IQCE: variants seen among roughly 807,000 people sequenced by gnomAD.
IQCE encodes the protein IQ domain-containing protein E.
Under a neutral mutation model 96.0 loss-of-function variants are expected in IQCE, and 115 were observed. That is an observed-to-expected ratio of 1.20 (90% CI 1.03 to 1.40). The LOEUF (loss-of-function observed/expected upper bound fraction) is 1.40, where lower values mean the gene tolerates loss of function less well. Ranked by LOEUF, IQCE falls within the 40% of genes most tolerant of loss-of-function variation. IQCE has a pLI of 0.00. For synonymous variants in IQCE, 412 were observed against 371.2 expected (o/e 1.11, Z -1.26); for missense variants, 1,041 against 909.1 (o/e 1.15, Z -1.87).
intron 18 of IQCE, among the ~76,000 whole-genome samples, chr7:2,603,478 TC>T (rs1784576246): frequency 6.8e-6 from 1 of 147,760 alleles, no homozygotes; most frequent in Non-Finnish European, 1.5e-5. Flanking sequence ...CCTGCTTCTC[TC>T]CCTGGCGCCC....
intron 16 of IQCE, chr7:2,596,753 C>T (rs911674549): frequency 1.2e-5 from 4 of 334,458 alleles, no homozygotes; most frequent in African/African-American, 2.1e-5. Flanking sequence ...GCACAGGCCG[C>T]GGACTAACAG....
At chr7:2,579,771 A>G (rs1430825209) in intron 8 of IQCE, among the ~76,000 whole-genome samples, 1 of 147,584 alleles carries the variant, frequency 6.8e-6, no homozygotes. Flanking sequence ...TGAGACAGGG[A>G]CTCACTCTGT....
At chr7:2,584,338 A>AG in intron 11 of IQCE, 53 bp downstream of exon 11, 1 of 1,533,278 alleles carries the variant, frequency 6.5e-7, no homozygotes, top group Non-Finnish European at 9.0e-7. Context: ...ACGTTGTGGA[A>AG]GCTCCTCTGA....
intron 8 of IQCE, 42 bp from the exon 9 acceptor site, chr7:2,582,536 GGA>G (rs1562644326): frequency 1.3e-6 from 2 of 1,562,946 alleles, no homozygotes; most frequent in Non-Finnish European, 1.8e-6. Flanking sequence ...TTCTACTGAG[GGA>G]GAGAGGGCGT....
In IQCE at chr7:2,586,167, C is replaced by G. The variant is rs771444829; in HGVS notation, c.825-41C>G. On this transcript the variant is annotated intron_variant, in intron 11 of 21. Transcript: ENST00000402050. ...TCGTTTCAAGCATGTGTGAAACCAG[C>G]TTAGCAATGCAAACCTCAGTCCACG... 6.3e-6 allele frequency: 10 copies of G among 1,581,258 alleles called. No homozygotes were observed. In the Middle Eastern group the frequency reaches 8.4e-4, roughly 133 times the overall value.
At chr7:2,579,265 T>C (rs1782464087) in intron 8 of IQCE, among the ~76,000 whole-genome samples, 1 of 152,044 alleles carries the variant, frequency 6.6e-6, no homozygotes. Context: ...TTCTCTAAAG[T>C]GGGACATGGT....
chr7:2,596,648 C>A (rs1011854825), intron 16 of IQCE, among the ~76,000 whole-genome samples: 1 of 152,044 alleles, frequency 6.6e-6, no homozygotes, highest in Non-Finnish European at 1.5e-5. Context: ...AATTTATAAG[C>A]GTGTGAAAAT....
rs376883798 is a variant in IQCE, at chr7:2,594,878, C to T, written c.1350-8C>T. ...TGAGGTGTCTCATCTTTTCCCTTTC[C>T]GCCTTAGAGAGGAGATTCAGACACT... On this transcript the variant is annotated splice_region_variant and splice_polypyrimidine_tract_variant and intron_variant, in intron 15 of 21. Transcript: ENST00000402050. 2.6e-5 allele frequency: 41 copies of T among 1,602,982 alleles called. No individual in the cohort carries two copies. Among genetic ancestry groups the T allele is most frequent in the Admixed American group, 3.3e-5 (2 of 59,990 alleles).
At position 2,578,370 on chromosome 7, in the gene IQCE, C is replaced by G. The variant is rs778038564; in HGVS notation, c.579+15C>G. On this transcript the variant is annotated intron_variant, in intron 7 of 21. Coordinates refer to ENST00000402050, the MANE Select transcript of IQCE (RefSeq NM_152558.5). ...ATCCCAGCCGCGTAAGCTCCTGGCG[C>G]TTCACGGACGGGGCAAGGGGAGGGT... 6.2e-7 allele frequency: 1 copy of G among 1,612,592 alleles called. No homozygotes were observed. Among genetic ancestry groups the G allele is most frequent in the Non-Finnish European group, 8.5e-7 (1 of 1,178,594 alleles).
At chr7:2,564,933 A>G (rs1246814285) in intron 1 of IQCE, among the ~76,000 whole-genome samples, 1 of 152,224 alleles carries the variant, frequency 6.6e-6, no homozygotes, top group East Asian at 1.9e-4. Context: ...AAACTGAGAC[A>G]GTTAATTTCA....
In IQCE at chr7:2,588,268, A is replaced by G. The variant is rs562153018; in HGVS notation, c.1044+391A>G. Among the ~76,000 whole-genome samples the G allele has an allele frequency of 5.3e-5, 8 of 151,642 alleles. No homozygotes were observed. The East Asian group carries it at 1.4e-3, about 26-fold the overall frequency. On this transcript the variant is annotated intron_variant, in intron 13 of 21. Transcript: ENST00000402050. ...CAGGCAGAAATGTCGGGAAATGAAC[A>G]TTTCCCCACATCCCCTATGCGACTG...
chr7:2,559,906 C>A (rs768448517), intron 1 of IQCE, among the ~76,000 whole-genome samples: 3 of 152,206 alleles, frequency 2.0e-5, no homozygotes, highest in Non-Finnish European at 4.4e-5. Flanking sequence ...CCCCGGTAGT[C>A]CCTGCACTCT....
rs1285141261 is a variant in IQCE, at chr7:2,577,895, G to T, written c.466-347G>T. On this transcript the variant is annotated intron_variant, in intron 6 of 21. Coordinates refer to ENST00000402050, the MANE Select transcript of IQCE (RefSeq NM_152558.5). ...GGGACGTGTGTGCGGCGTGCCCGCA[G>T]TGTCGTGTGCGTGGCTGTGCGCGCG... Among the ~76,000 whole-genome samples the T allele has an allele frequency of 6.8e-4, 59 of 86,648 alleles. 6 individuals carry two copies. The highest frequency in any genetic ancestry group is 1.2e-3 in the Admixed American group (9 of 7,228). 56.8% of individuals were successfully genotyped at this position (86,648 alleles called of 152,430 possible).
intron 6 of IQCE, among the ~76,000 whole-genome samples, chr7:2,577,421 G>C (rs1358720087): frequency 7.6e-6 from 1 of 131,818 alleles, no homozygotes; most frequent in African/African-American, 2.9e-5. Flanking sequence ...GGGGACGTGT[G>C]TGCGGCGTGC....
chr7:2,597,333 G>A (rs1397764825), intron 16 of IQCE, among the ~76,000 whole-genome samples: 1 of 152,264 alleles, frequency 6.6e-6, no homozygotes, highest in Non-Finnish European at 1.5e-5. Context: ...CGCATAGGAT[G>A]GCCGTGCCCG....
chr7:2,600,694 T>C (rs1047376929), intron 17 of IQCE, among the ~76,000 whole-genome samples: 14 of 152,216 alleles, frequency 9.2e-5, no homozygotes, highest in African/African-American at 2.2e-4. Flanking sequence ...ACTCAGTTCC[T>C]CCTTAATCTC....
intron 6 of IQCE, among the ~76,000 whole-genome samples, chr7:2,578,027 C>T (rs1459149365): frequency 7.0e-6 from 1 of 142,116 alleles, no homozygotes; most frequent in African/African-American, 2.7e-5. Context: ...CGCGCGGGGA[C>T]GTGTGTGCGG....
intron 5 of IQCE, chr7:2,572,682 C>G (rs1310012252): frequency 4.2e-6 from 2 of 470,926 alleles, no homozygotes; most frequent in African/African-American, 4.0e-5. Context: ...CAAAGAGAAT[C>G]AGCTTGTTTC....
intron 16 of IQCE, among the ~76,000 whole-genome samples, chr7:2,595,483 G>A (rs1562666907): frequency 6.7e-6 from 1 of 149,452 alleles, no homozygotes; most frequent in African/African-American, 2.6e-5. Flanking sequence ...GTGACTGTTA[G>A]CAGGGACCCG....
Sources: allele counts gnomAD v4.1 joint callset (sites outside exome capture counted in the v4.1 genomes callset), GRCh38; gene constraint gnomAD v4.1.1; transcripts MANE v1.5; gene names NCBI Gene and HGNC (gene_info 2026-07-23, HGNC 2026-07-21).